The following IARS1 variants were observed in gnomAD, a reference collection of about 807,000 sequenced individuals.
IARS1 encodes the protein isoleucyl-tRNA synthetase 1.
IARS1 carries 124 observed loss-of-function variants against 168.2 expected under a neutral mutation model. The ratio of observed to expected loss-of-function variants is 0.74; its 90% CI spans 0.64 to 0.86. The LOEUF is 0.86. IARS1 is among the 40% of genes least tolerant of loss of function. The probability of loss-of-function intolerance (pLI) is 0.00; values close to 1 mark genes in which losing one functional copy is unlikely to be tolerated. For synonymous variants in IARS1, 532 were observed against 529.4 expected, an observed-to-expected ratio of 1.00 and a Z score of -0.07; for missense variants, 1,452 against 1,515.8, an observed-to-expected ratio of 0.96 and a Z score of 0.70.
intron 9 of IARS1, among the ~76,000 whole-genome samples, chr9:92,276,422 A>G (rs1349586379): frequency 2.0e-5 from 3 of 152,186 alleles, no homozygotes; most frequent in Non-Finnish European, 4.4e-5. Context: ...GGCACGTCCT[A>G]ATTGCTGGTA....
intron 33 of IARS1, among the ~76,000 whole-genome samples, chr9:92,220,161 C>T (rs1435350523): frequency 1.3e-4 from 20 of 148,238 alleles, no homozygotes; most frequent in African/African-American, 2.5e-4. Flanking sequence ...AGTAAACTAT[C>T]GCAAGAACAA....
At chr9:92,286,406 C>T in intron 5 of IARS1, 130 bp downstream of exon 5, 1 of 597,456 alleles carries the variant, frequency 1.7e-6, no homozygotes, top group Non-Finnish European at 3.0e-6. Context: ...AAAAACAAAC[C>T]TGTTCCCAAA....
intron 22 of IARS1, among the ~76,000 whole-genome samples, chr9:92,251,519 G>T (rs1392316323): frequency 2.0e-5 from 3 of 152,106 alleles, no homozygotes; most frequent in East Asian, 3.8e-4. Context: ...TTAAGATGAG[G>T]TATGTCTTAC....
At chr9:92,285,641 G>A (rs1279909905) in intron 6 of IARS1, 81 bp downstream of exon 6, 2 of 819,106 alleles carry the variant, frequency 2.4e-6, no homozygotes, top group Admixed American at 3.8e-5. Context: ...GGGTCTACTT[G>A]GGAATACCTA....
intron 1 of IARS1, among the ~76,000 whole-genome samples, chr9:92,290,634 C>T (rs184652327): frequency 4.8e-4 from 73 of 152,160 alleles, no homozygotes; most frequent in African/African-American, 1.4e-3. Context: ...ATAGATTTTT[C>T]GCTTACATTT....
At chr9:92,273,252 T>A (rs1481867716) in intron 10 of IARS1, among the ~76,000 whole-genome samples, 1 of 152,136 alleles carries the variant, frequency 6.6e-6, no homozygotes, top group Non-Finnish European at 1.5e-5. Context: ...ATGAACAATA[T>A]TTGACTAGTT....
chr9:92,283,719 C>T (rs76166242), intron 6 of IARS1, among the ~76,000 whole-genome samples: 1,570 of 152,222 alleles, frequency 0.01, 32 homozygotes, highest in African/African-American at 0.036. Context: ...GAAACGTGTA[C>T]AAGACCTAAA....
intron 7 of IARS1, 148 bp downstream of exon 7, chr9:92,280,598 C>A: frequency 6.3e-6 from 3 of 472,974 alleles, no homozygotes; most frequent in Non-Finnish European, 1.1e-5. Context: ...GAAATGAAAA[C>A]AAATGTTTAA....
intron 10 of IARS1, 123 bp from the exon 11 acceptor site, chr9:92,271,778 G>T: frequency 9.2e-7 from 1 of 1,081,904 alleles, no homozygotes; most frequent in Non-Finnish European, 1.3e-6. Context: ...ACTTTGTCCT[G>T]TAAACTGAAG....
rs142410781 is a variant in IARS1, at chr9:92,236,273, C to T, written c.3283+4583G>A. ...TGCTGAGATTACAGGCATAAGCCAC[C>T]GTGCCCAGCCTATCTTTTTTGTTAA... On this transcript the variant is annotated intron_variant, in intron 30 of 33. Coordinates refer to ENST00000443024, the MANE Select transcript of IARS1 (RefSeq NM_002161.6). 5.3e-5 allele frequency among the ~76,000 whole-genome samples: 8 copies of T among 152,266 alleles called. No individual in the cohort carries two copies. In the East Asian group the frequency reaches 7.7e-4, roughly 15 times the overall value.
chr9:92,240,527 T>G (rs1366987378), intron 30 of IARS1: 5 of 609,218 alleles, frequency 8.2e-6, no homozygotes, highest in Non-Finnish European at 1.5e-5. Flanking sequence ...TCCAAAGTGC[T>G]GGGATTACAG....
intron 1 of IARS1, chr9:92,293,329 G>A (rs932948736): frequency 7.0e-6 from 2 of 286,582 alleles, no homozygotes; most frequent in South Asian, 3.4e-5. Flanking sequence ...GCCATTGAAG[G>A]TAATAAATTA....
At chr9:92,249,996 A>T (rs111417887) in intron 24 of IARS1, 55 bp from the exon 25 acceptor site, 4 of 1,028,160 alleles carry the variant, frequency 3.9e-6, no homozygotes, top group Non-Finnish European at 6.1e-6. Context: ...CTAAAACTGC[A>T]GAAAAATGGA....
intron 29 of IARS1, 75 bp from the exon 30 acceptor site, chr9:92,241,036 T>C: frequency 1.2e-6 from 1 of 801,326 alleles, no homozygotes; most frequent in South Asian, 1.4e-5. Flanking sequence ...TGTAACACAG[T>C]GACTTCTCAG....
chr9:92,289,178 G>GCC, intron 2 of IARS1, 123 bp downstream of exon 2: 1 of 518,854 alleles, frequency 1.9e-6, no homozygotes, highest in Admixed American at 3.7e-5. Context: ...CTGCCCTCCA[G>GCC]CCTGGATGAC....
In IARS1 at chr9:92,250,454, C is replaced by T. The variant is rs866175525; in HGVS notation, c.2430-165G>A. ...AGCGCAGTGCCTACCACTCAGCACC[C>T]GGCATCTCCCCAAGGAGCCCCCATG... On this transcript the variant is annotated intron_variant, in intron 23 of 33. Transcript: ENST00000443024. Among the ~76,000 whole-genome samples, 4 of 152,202 alleles carry T rather than the reference C, an allele frequency of 2.6e-5. No homozygotes were observed. Among genetic ancestry groups the T allele is most frequent in the South Asian group, 2.1e-4 (1 of 4,830 alleles).
At chr9:92,241,012 G>T in intron 29 of IARS1, 51 bp from the exon 30 acceptor site, 1 of 1,003,856 alleles carries the variant, frequency 1.0e-6, no homozygotes, top group Non-Finnish European at 1.6e-6. Flanking sequence ...TGACTGCAAT[G>T]TGCCACACCA....
At chr9:92,216,075 C>T (rs1457867068) in intron 33 of IARS1, among the ~76,000 whole-genome samples, 11 of 151,472 alleles carry the variant, frequency 7.3e-5, no homozygotes, top group Admixed American at 1.3e-4. Flanking sequence ...GCAGATCTCT[C>T]GGCAGAAACC....
At chr9:92,252,244 C>T (rs78402613) in intron 21 of IARS1, 16,888 of 433,846 alleles carry the variant, frequency 0.039, 496 homozygotes, top group South Asian at 0.073. Flanking sequence ...CTTTAAAGTA[C>T]CTTTAAATAA....
Sources: gnomAD v4.1 joint callset for allele counts (sites outside exome capture counted in the v4.1 genomes callset) on GRCh38, gnomAD v4.1.1 for gene constraint, MANE v1.5 for transcripts, NCBI Gene and HGNC (gene_info 2026-07-23, HGNC 2026-07-21) for gene names.